GPR158: variants seen among roughly 807,000 people sequenced by gnomAD.
The protein encoded by GPR158 is metabotropic glycine receptor.
In GPR158, 30 loss-of-function variants were observed where a neutral mutation model predicts 78.2. The ratio of observed to expected loss-of-function variants is 0.38; its 90% CI spans 0.29 to 0.52. GPR158 has a LOEUF of 0.52. Among genes scored for constraint, GPR158 ranks in the 20% least tolerant of loss-of-function variants. The pLI, the probability that GPR158 is intolerant of heterozygous loss-of-function variation, is 0.83. For synonymous variants in GPR158, 581 were observed against 591.1 expected (o/e 0.98, Z 0.25); for missense variants, 1,463 against 1,523.5 (o/e 0.96, Z 0.66).
At chr10:25,575,691 C>G (rs565895484) in intron 7 of GPR158, among the ~76,000 whole-genome samples, 1 of 152,216 alleles carries the variant, frequency 6.6e-6, no homozygotes, top group South Asian at 2.1e-4. Context: ...TCTTACTGTT[C>G]CCCGATCAAA....
At chr10:25,539,907 C>T (rs927449557) in intron 5 of GPR158, among the ~76,000 whole-genome samples, 9 of 152,044 alleles carry the variant, frequency 5.9e-5, no homozygotes, top group Admixed American at 2.0e-4. Context: ...ATAAGTCCCA[C>T]GTATGGAAGC....
chr10:25,564,983 A>G (rs1158862532), intron 6 of GPR158, among the ~76,000 whole-genome samples: 1 of 152,204 alleles, frequency 6.6e-6, no homozygotes, highest in Non-Finnish European at 1.5e-5. Context: ...ACAGGTAGAT[A>G]ACTGCCATTT....
chr10:25,409,266 C>A (rs1834556276), intron 3 of GPR158, among the ~76,000 whole-genome samples: 1 of 152,188 alleles, frequency 6.6e-6, no homozygotes, highest in African/African-American at 2.4e-5. Context: ...ACTGTTCTAT[C>A]CTCTGCATTT....
rs2130757431 is a variant in GPR158 at position 25,598,718 on chromosome 10, T to C, written c.3092T>C (p.Ile1031Thr). ...SESKVQKHVS[I>T]VASEMEKNPT... ...TCAAAAGTTCAAAAGCACGTATCTA[T>C]TGTGGCTTCTGAAATGGAGAAAAAC... Residue 1031 changes from isoleucine (I) to threonine (T), a missense_variant, in exon 11 of 11, where the codon ATT becomes ACT. Coordinates refer to ENST00000376351, the MANE Select transcript of GPR158 (RefSeq NM_020752.3). 1 of 1,614,050 alleles carries C rather than the reference T, an allele frequency of 6.2e-7. No individual in the cohort carries two copies. Among genetic ancestry groups the C allele is most frequent in the Non-Finnish European group, 8.5e-7 (1 of 1,180,008 alleles).
intron 5 of GPR158, chr10:25,476,096 G>A (rs1835580032): frequency 6.6e-6 from 1 of 152,106 alleles, no homozygotes; most frequent in Non-Finnish European, 1.5e-5. Flanking sequence ...GTTATATTGG[G>A]TAGCAGAGAG....
intron 4 of GPR158, among the ~76,000 whole-genome samples, chr10:25,442,308 C>T (rs904417101): frequency 2.0e-5 from 3 of 152,006 alleles, no homozygotes; most frequent in Non-Finnish European, 4.4e-5. Flanking sequence ...ACCAACATCG[C>T]AGAAAGCAAA....
At chr10:25,348,063 A>G (rs1247418369) in intron 2 of GPR158, among the ~76,000 whole-genome samples, 3 of 151,930 alleles carry the variant, frequency 2.0e-5, no homozygotes, top group African/African-American at 4.8e-5. Flanking sequence ...TTTCTGAGCT[A>G]TCACATAGGG....
intron 5 of GPR158, among the ~76,000 whole-genome samples, chr10:25,508,700 C>A (rs1836045839): frequency 6.6e-6 from 1 of 152,016 alleles, no homozygotes; most frequent in Admixed American, 6.5e-5. Flanking sequence ...TCACCAGGGT[C>A]AATTGGGAAA....
intron 1 of GPR158, among the ~76,000 whole-genome samples, chr10:25,187,841 T>C (rs1321676300): frequency 6.6e-6 from 1 of 152,172 alleles, no homozygotes; most frequent in Non-Finnish European, 1.5e-5. Flanking sequence ...GGAAGTCAAA[T>C]TGTCCCTGTT....
intron 2 of GPR158, among the ~76,000 whole-genome samples, chr10:25,355,718 A>G (rs569339084): frequency 1.3e-5 from 2 of 152,136 alleles, no homozygotes; most frequent in South Asian, 4.1e-4. Context: ...ATTTTCTGCC[A>G]GGTTACTGTA....
intron 1 of GPR158, among the ~76,000 whole-genome samples, chr10:25,206,979 T>C (rs552355712): frequency 2.0e-5 from 3 of 151,668 alleles, no homozygotes; most frequent in Admixed American, 1.3e-4. Context: ...CAGTTCCCAC[T>C]TTTGCCCAAG....
At chr10:25,534,621 G>C (rs1279197440) in intron 5 of GPR158, among the ~76,000 whole-genome samples, 1 of 151,498 alleles carries the variant, frequency 6.6e-6, no homozygotes, top group African/African-American at 2.4e-5. Flanking sequence ...GGGTGTGGTG[G>C]CACGTATCTG....
intron 1 of GPR158, among the ~76,000 whole-genome samples, chr10:25,208,953 A>G (rs1471784825): frequency 6.6e-6 from 1 of 151,114 alleles, no homozygotes; most frequent in East Asian, 2.0e-4. Flanking sequence ...GGTTCAAGCA[A>G]TTCTTCTGCC....
At chr10:25,187,432 C>A (rs1442570693) in intron 1 of GPR158, among the ~76,000 whole-genome samples, 1 of 152,142 alleles carries the variant, frequency 6.6e-6, no homozygotes, top group Non-Finnish European at 1.5e-5. Flanking sequence ...AGCTTATCCA[C>A]CATGATCAAG....
chr10:25,494,422 A>G (rs948537141), intron 5 of GPR158, among the ~76,000 whole-genome samples: 7 of 152,196 alleles, frequency 4.6e-5, no homozygotes, highest in South Asian at 2.1e-4. Context: ...AAGCCCTCCC[A>G]TATTCCATCA....
chr10:25,411,072 A>G (rs1043317839), intron 3 of GPR158, among the ~76,000 whole-genome samples: 1 of 151,980 alleles, frequency 6.6e-6, no homozygotes, highest in African/African-American at 2.4e-5. Flanking sequence ...TGTTGAATTC[A>G]GAGTTGGAAA....
intron 4 of GPR158, among the ~76,000 whole-genome samples, chr10:25,460,642 CT>C (rs1458924439): frequency 6.6e-6 from 1 of 152,144 alleles, no homozygotes; most frequent in Non-Finnish European, 1.5e-5. Flanking sequence ...CAAATCTACC[CT>C]TTTCTCTGGA....
rs370476219 is a variant in GPR158 at position 25,427,874 on chromosome 10, C to G, written c.1335+15401C>G. On this transcript the variant is annotated intron_variant, in intron 4 of 10. Transcript: ENST00000376351. ...ATGTGTTTCCATTTAATATAATAAC[C>G]AGTGTAGGGCTGATTAGGTAACCTT... 1.1e-3 allele frequency among the ~76,000 whole-genome samples: 165 copies of G among 152,082 alleles called. 1 individual carries two copies. Among genetic ancestry groups the G allele is most frequent in the African/African-American group, 3.7e-3 (152 of 41,504 alleles).
At chr10:25,221,191 C>T in intron 2 of GPR158, 34 bp downstream of exon 2, 1 of 1,029,432 alleles carries the variant, frequency 9.7e-7, no homozygotes, top group Non-Finnish European at 1.5e-6. Flanking sequence ...TCTTTAAGCT[C>T]AGGAATACAT....
Sources: gnomAD v4.1 joint callset for allele counts (sites outside exome capture counted in the v4.1 genomes callset) on GRCh38, gnomAD v4.1.1 for gene constraint, MANE v1.5 for transcripts, NCBI Gene and HGNC (gene_info 2026-07-23, HGNC 2026-07-21) for gene names.